C3orf33: variants seen among roughly 807,000 people sequenced by gnomAD.
C3orf33 encodes the protein mitochondrial inner membrane subdomain organizer 1, also known as AP-1 activity suppressor.
C3orf33 carries 23 observed loss-of-function variants against 28.7 expected under a neutral mutation model. The observed-to-expected ratio is 0.80, with a 90% CI of 0.58 to 1.13. The LOEUF (loss-of-function observed/expected upper bound fraction) is 1.13. C3orf33 is among the 50% of genes most tolerant of loss of function. The pLI, the probability that C3orf33 is intolerant of heterozygous loss-of-function variation, is 0.00. For missense variants in C3orf33, 327 were observed against 353.4 expected (o/e 0.93, Z 0.60); for synonymous variants, 119 against 120.5 (o/e 0.99, Z 0.08).
Position 155,763,613 on chromosome 3 carries a change from C to T in C3orf33, c.789G>A (p.Arg263=). The change falls in exon 5 of 5, where the codon AGG becomes AGA. Residue 263 remains arginine, a synonymous_variant. Transcript: ENST00000340171. ...KKESYYEKLK[R]TYEIWKDNMN... Reference sequence around the variant, plus strand: ...TGTTGTCTTTCCATATTTCATAAGTCCTTTTAAGTTTTTCATAATAACTTT... The same window carrying T: ...TGTTGTCTTTCCATATTTCATAAGTTCTTTTAAGTTTTTCATAATAACTTT... 3 of 1,592,476 alleles carry T rather than the reference C, an allele frequency of 1.9e-6. No homozygotes were observed. Among genetic ancestry groups the T allele is most frequent in the Non-Finnish European group, 1.7e-6 (2 of 1,174,262 alleles).
chr3:155,795,878 C>T (rs1386027892), intron 2 of C3orf33, among the ~76,000 whole-genome samples: 4 of 152,006 alleles, frequency 2.6e-5, no homozygotes. Flanking sequence ...ATTGCTTGAA[C>T]CCAGGAAGCA....
chr3:155,782,896 C>T (rs1226521214), intron 2 of C3orf33, among the ~76,000 whole-genome samples: 1 of 152,108 alleles, frequency 6.6e-6, no homozygotes, highest in Admixed American at 6.6e-5. Flanking sequence ...TTGTTTTCCA[C>T]ATAATTTAAG....
intron 1 of C3orf33, among the ~76,000 whole-genome samples, chr3:155,802,936 G>T (rs1751694074): frequency 6.6e-6 from 1 of 151,896 alleles, no homozygotes; most frequent in African/African-American, 2.4e-5. Flanking sequence ...TATAGTATTG[G>T]ATTGTTCTCT....
intron 3 of C3orf33, among the ~76,000 whole-genome samples, chr3:155,772,576 CT>C (rs371722784): frequency 0.081 from 11,432 of 141,396 alleles, 805 homozygotes; most frequent in African/African-American, 0.2. Flanking sequence ...GTGTCAAAAA[CT>C]TTTTTTTTTT....
At chr3:155,791,182 G>A (rs1248186171) in intron 2 of C3orf33, among the ~76,000 whole-genome samples, 3 of 152,090 alleles carry the variant, frequency 2.0e-5, no homozygotes, top group African/African-American at 7.2e-5. Flanking sequence ...CCCATTTCAG[G>A]CCCTAGCTCA....
At chr3:155,773,846 G>A (rs1750659897) in intron 3 of C3orf33, among the ~76,000 whole-genome samples, 1 of 152,240 alleles carries the variant, frequency 6.6e-6, no homozygotes, top group South Asian at 2.1e-4. Flanking sequence ...GACCTGTGAA[G>A]TGTAAATCCT....
chr3:155,768,681 A>G (rs1750486634), intron 3 of C3orf33, among the ~76,000 whole-genome samples: 1 of 152,242 alleles, frequency 6.6e-6, no homozygotes. Flanking sequence ...AGTTACATCC[A>G]TCTATTCTCC....
At chr3:155,791,870 G>C (rs930279571) in intron 2 of C3orf33, among the ~76,000 whole-genome samples, 1 of 151,916 alleles carries the variant, frequency 6.6e-6, no homozygotes. Flanking sequence ...GCTCCCGGAT[G>C]ACACCTCTGG....
At chr3:155,777,312 C>T (rs1750780031) in intron 2 of C3orf33, among the ~76,000 whole-genome samples, 1 of 149,692 alleles carries the variant, frequency 6.7e-6, no homozygotes, top group Non-Finnish European at 1.5e-5. Context: ...GAAACTCTGT[C>T]TAAAAAAAAA....
chr3:155,796,695 A>C (rs935568124), intron 2 of C3orf33, among the ~76,000 whole-genome samples: 2 of 152,238 alleles, frequency 1.3e-5, no homozygotes, highest in African/African-American at 4.8e-5. Flanking sequence ...CCCTGATACC[A>C]AAACCAGACA....
intron 2 of C3orf33, among the ~76,000 whole-genome samples, chr3:155,799,948 G>A (rs995425594): frequency 1.3e-5 from 2 of 152,122 alleles, no homozygotes; most frequent in Non-Finnish European, 2.9e-5. Flanking sequence ...AAGAAGTGGG[G>A]TTGGTTAATG....
At chr3:155,804,459 T>C (rs1751756651) in intron 1 of C3orf33, among the ~76,000 whole-genome samples, 1 of 152,230 alleles carries the variant, frequency 6.6e-6, no homozygotes, top group Non-Finnish European at 1.5e-5. Context: ...CTCTAAGAAC[T>C]GGGGCTACAA....
chr3:155,765,983 T>C (rs1750391205), intron 4 of C3orf33, among the ~76,000 whole-genome samples: 1 of 152,254 alleles, frequency 6.6e-6, no homozygotes, highest in African/African-American at 2.4e-5. Context: ...AGCTTTCTAT[T>C]AATATTTCAA....
At chr3:155,764,055 C>T (rs1329345261) in intron 4 of C3orf33, 137 bp from the exon 5 acceptor site, 2 of 536,090 alleles carry the variant, frequency 3.7e-6, no homozygotes, top group Non-Finnish European at 5.8e-6. Flanking sequence ...CCCAAGGCTC[C>T]CCCAAAACAG....
At chr3:155,803,754 CATCT>C (rs1751724769) in intron 1 of C3orf33, among the ~76,000 whole-genome samples, 1 of 149,450 alleles carries the variant, frequency 6.7e-6, no homozygotes, top group Admixed American at 6.7e-5. Flanking sequence ...TGGTAGCACA[CATCT>C]GTAATTCCAG....
chr3:155,772,376 G>A (rs1457930857), intron 3 of C3orf33, among the ~76,000 whole-genome samples: 2 of 152,096 alleles, frequency 1.3e-5, no homozygotes, highest in African/African-American at 4.8e-5. Context: ...TGTTATATTT[G>A]TGCCTCATGA....
At chr3:155,802,854 T>C (rs1236016307) in intron 1 of C3orf33, among the ~76,000 whole-genome samples, 1 of 152,104 alleles carries the variant, frequency 6.6e-6, no homozygotes, top group African/African-American at 2.4e-5. Context: ...CATATATACA[T>C]ACATGTATAT....
In C3orf33 at chr3:155,776,715, C is replaced by T. The variant is rs182987085; in HGVS notation, c.175-867G>A. 2.0e-3 allele frequency among the ~76,000 whole-genome samples: 269 copies of T among 137,778 alleles called. 1 individual carries two copies. Among genetic ancestry groups the T allele is most frequent in the Non-Finnish European group, 2.4e-3 (159 of 65,648 alleles). 90.4% of individuals were successfully genotyped at this position (137,778 alleles called of 152,430 possible). Reference sequence around the variant, plus strand: ...AGGTTACAGTGAGCCATAATAGCACCACTACACTCCAGCCTGGGTGACAGA... The same window carrying T: ...AGGTTACAGTGAGCCATAATAGCACTACTACACTCCAGCCTGGGTGACAGA... On this transcript the variant is annotated intron_variant, in intron 2 of 4. Transcript: ENST00000340171.
At chr3:155,784,269 C>A (rs114062149) in intron 2 of C3orf33, among the ~76,000 whole-genome samples, 1 of 151,886 alleles carries the variant, frequency 6.6e-6, no homozygotes, top group South Asian at 2.1e-4. Context: ...TACAAAAATG[C>A]GATTCTGTGA....
Sources: allele counts gnomAD v4.1 joint callset (sites outside exome capture counted in the v4.1 genomes callset), GRCh38; gene constraint gnomAD v4.1.1; transcripts MANE v1.5; gene names NCBI Gene and HGNC (gene_info 2026-07-23, HGNC 2026-07-21).